Variants in ECPAS observed in about 807,000 individuals in gnomAD.
ECPAS encodes the protein Ecm29 proteasome adaptor and scaffold, also known as proteasome adapter and scaffold protein ECM29.
A neutral mutation model predicts 255.1 loss-of-function variants in ECPAS; 70 were observed. The ratio of observed to expected loss-of-function variants is 0.27; its 90% CI spans 0.23 to 0.33. The LOEUF (loss-of-function observed/expected upper bound fraction) is 0.33, where lower values mean the gene tolerates loss of function less well. ECPAS is among the 10% of genes least tolerant of loss of function. ECPAS has a pLI of 1.00. For missense variants in ECPAS, 1,817 were observed against 2,206.4 expected (o/e 0.82, Z 3.54); for synonymous variants, 784 against 775.0 (o/e 1.01, Z -0.19).
chr9:111,462,738 A>ATTTTT (rs34375105), intron 2 of ECPAS, among the ~76,000 whole-genome samples: 2 of 108,264 alleles, frequency 1.8e-5, no homozygotes, highest in Admixed American at 9.8e-5. Flanking sequence ...CATTCATGGA[A>ATTTTT]TTTTTTTTTT....
intron 18 of ECPAS, 63 bp downstream of exon 18, chr9:111,416,209 G>T: frequency 8.5e-7 from 1 of 1,182,844 alleles, no homozygotes; most frequent in Non-Finnish European, 1.3e-6. Context: ...ACCCCTCTTT[G>T]GGTGTGGTGT....
intron 2 of ECPAS, among the ~76,000 whole-genome samples, chr9:111,452,836 C>G (rs2098262112): frequency 6.6e-6 from 1 of 152,054 alleles, no homozygotes; most frequent in South Asian, 2.1e-4. Flanking sequence ...TCTTGTTTTT[C>G]AATACCATTC....
intron 9 of ECPAS, among the ~76,000 whole-genome samples, chr9:111,429,992 T>A (rs1270112891): frequency 1.3e-5 from 2 of 152,262 alleles, no homozygotes; most frequent in Non-Finnish European, 2.9e-5. Flanking sequence ...CTATCTTTTG[T>A]TCTAGATTCT....
intron 31 of ECPAS, among the ~76,000 whole-genome samples, chr9:111,389,021 A>C (rs1326316339): frequency 1.3e-5 from 2 of 152,264 alleles, no homozygotes; most frequent in African/African-American, 2.4e-5. Context: ...GAACTTTCAC[A>C]ATAAAGATGA....
chr9:111,471,629 G>A (rs918154967), intron 2 of ECPAS, among the ~76,000 whole-genome samples: 2 of 152,138 alleles, frequency 1.3e-5, no homozygotes, highest in Non-Finnish European at 2.9e-5. Flanking sequence ...TGAATTTACA[G>A]AGTTTCAATC....
At chr9:111,462,735 G>A (rs2098274605) in intron 2 of ECPAS, among the ~76,000 whole-genome samples, 1 of 138,320 alleles carries the variant, frequency 7.2e-6, no homozygotes. Flanking sequence ...CAACATTCAT[G>A]GAATTTTTTT....
intron 46 of ECPAS, among the ~76,000 whole-genome samples, chr9:111,367,363 G>A (rs1480795272): frequency 6.6e-6 from 1 of 152,156 alleles, no homozygotes; most frequent in African/African-American, 2.4e-5. Flanking sequence ...TATATGAGAA[G>A]CCAATGTGTA....
At chr9:111,447,100 G>A (rs907893778) in intron 3 of ECPAS, among the ~76,000 whole-genome samples, 38 of 151,468 alleles carry the variant, frequency 2.5e-4, no homozygotes, top group African/African-American at 9.0e-4. Flanking sequence ...ACAATTGCAT[G>A]CTTTTTTTTA....
chr9:111,393,790 A>ATCT, intron 26 of ECPAS, 56 bp from the exon 27 acceptor site: 1 of 1,200,978 alleles, frequency 8.3e-7, no homozygotes, highest in Non-Finnish European at 1.2e-6. Context: ...TGAGAGAATA[A>ATCT]GAGTCTTGCT....
At chr9:111,366,697 G>T (rs189656418) in intron 46 of ECPAS, 70 bp from the exon 47 acceptor site, 124 of 961,896 alleles carry the variant, frequency 1.3e-4, no homozygotes, top group Non-Finnish European at 1.8e-4. Flanking sequence ...AATAAATGAG[G>T]GACAGGCAGA....
At chr9:111,381,964 G>A (rs1054975672) in intron 35 of ECPAS, among the ~76,000 whole-genome samples, 2 of 150,808 alleles carry the variant, frequency 1.3e-5, no homozygotes, top group African/African-American at 2.4e-5. Flanking sequence ...TCTTTCCCCT[G>A]CACAGATCTA....
intron 2 of ECPAS, among the ~76,000 whole-genome samples, chr9:111,462,883 C>T (rs976898718): frequency 1.3e-5 from 2 of 151,970 alleles, no homozygotes; most frequent in African/African-American, 4.8e-5. Flanking sequence ...GCTGGGATTA[C>T]AGGCATGCGC....
At position 111,408,562 on chromosome 9, in the gene ECPAS, T is replaced by C; in HGVS notation, c.2652+9A>G. On this transcript the variant is annotated intron_variant, in intron 24 of 49. Transcript: ENST00000684092. The stretch of plus-strand genomic sequence containing the variant: ...TGAATAACTAACAATCAGGTAGCAA[T>C]ATAAATACCTCCACAGAATCCATCA... 2 of 1,457,092 alleles carry C rather than the reference T, an allele frequency of 1.4e-6. No homozygotes were observed. The highest frequency in any genetic ancestry group is 1.4e-5 in the African/African-American group (1 of 69,192). 90.3% of individuals were successfully genotyped at this position (1,457,092 alleles called of 1,614,324 possible). A position where few individuals can be genotyped will look rare whatever the true frequency, so the allele number is the denominator to read the frequency against.
chr9:111,455,005 G>C (rs772618524), intron 2 of ECPAS, among the ~76,000 whole-genome samples: 1 of 152,074 alleles, frequency 6.6e-6, no homozygotes, highest in African/African-American at 2.4e-5. Context: ...AAAGTGCTGG[G>C]ATTACAAGTA....
chr9:111,470,503 G>A (rs1564567855), intron 2 of ECPAS, among the ~76,000 whole-genome samples: 2 of 152,010 alleles, frequency 1.3e-5, no homozygotes, highest in African/African-American at 2.4e-5. Flanking sequence ...GTAGAGATGG[G>A]GTTTCACTGT....
chr9:111,430,698 T>A (rs1286988259), intron 8 of ECPAS, 70 bp from the exon 9 acceptor site: 6 of 916,430 alleles, frequency 6.5e-6, no homozygotes, highest in Non-Finnish European at 1.0e-5. Flanking sequence ...AAAAAAATTA[T>A]AGCCCCAACA....
intron 2 of ECPAS, among the ~76,000 whole-genome samples, chr9:111,461,149 T>G (rs117495892): frequency 1.3e-5 from 2 of 151,872 alleles, no homozygotes; most frequent in Non-Finnish European, 2.9e-5. Flanking sequence ...CTAGAAGACT[T>G]TGGTCAAATT....
intron 1 of ECPAS, among the ~76,000 whole-genome samples, chr9:111,478,075 A>AT (rs1371635070): frequency 9.9e-5 from 15 of 151,480 alleles, no homozygotes; most frequent in Middle Eastern, 3.4e-3. Flanking sequence ...TAATTTTTAT[A>AT]TTTTTTGTAG....
At chr9:111,461,316 T>G (rs2098272826) in intron 2 of ECPAS, among the ~76,000 whole-genome samples, 2 of 151,230 alleles carry the variant, frequency 1.3e-5, no homozygotes, top group South Asian at 4.2e-4. Flanking sequence ...AAAAAAAAAT[T>G]TAGCTGGGCG....
Sources: allele counts gnomAD v4.1 joint callset (sites outside exome capture counted in the v4.1 genomes callset), GRCh38; gene constraint gnomAD v4.1.1; transcripts MANE v1.5; gene names NCBI Gene and HGNC (gene_info 2026-07-23, HGNC 2026-07-21).